Variants in STK3 observed in about 807,000 individuals in gnomAD.
STK3 encodes the protein serine/threonine kinase 3.
In STK3, 41 loss-of-function variants were observed where a neutral mutation model predicts 58.0. That is an observed-to-expected ratio of 0.71 (90% CI 0.55 to 0.92). The LOEUF is 0.92. Among genes scored for constraint, STK3 ranks in the 40% least tolerant of loss-of-function variants. The probability of loss-of-function intolerance (pLI) is 0.00; values close to 1 mark genes in which losing one functional copy is unlikely to be tolerated. For synonymous variants in STK3, 170 were observed against 191.0 expected (o/e 0.89, Z 0.91); for missense variants, 479 against 602.7 (o/e 0.79, Z 2.15).
chr8:98,401,212 C>A (rs1817940977), downstream of STK3, among the ~76,000 whole-genome samples: 1 of 152,118 alleles, frequency 6.6e-6, no homozygotes, highest in Non-Finnish European at 1.5e-5. Flanking sequence ...CAAGAAGCCC[C>A]AGGTGCTCCA....
chr8:98,650,204 C>T (rs889650760), intron 6 of STK3, among the ~76,000 whole-genome samples: 1 of 152,184 alleles, frequency 6.6e-6, no homozygotes, highest in Non-Finnish European at 1.5e-5. Context: ...AATGTTCATA[C>T]AGATTATTTC....
intron 4 of STK3, 105 bp downstream of exon 4, chr8:98,749,171 C>T: frequency 1.2e-6 from 1 of 838,652 alleles, no homozygotes; most frequent in Non-Finnish European, 1.9e-6. Context: ...AAAACCTTTT[C>T]TTTTTTCATG....
At chr8:98,920,001 A>G (rs1214528305) in intron 1 of STK3, among the ~76,000 whole-genome samples, 1 of 152,146 alleles carries the variant, frequency 6.6e-6, no homozygotes, top group East Asian at 1.9e-4. Context: ...ATCTTTTTCC[A>G]TTTCATTTTC....
chr8:98,692,016 A>C (rs972404089), intron 6 of STK3, among the ~76,000 whole-genome samples: 1 of 152,304 alleles, frequency 6.6e-6, no homozygotes, highest in East Asian at 1.9e-4. Context: ...TAAGCATATG[A>C]AAAGATGTTC....
At chr8:98,684,914 A>G (rs1365553758) in intron 6 of STK3, among the ~76,000 whole-genome samples, 1 of 152,206 alleles carries the variant, frequency 6.6e-6, no homozygotes, top group Non-Finnish European at 1.5e-5. Context: ...AGTCAGAGTG[A>G]ATCACAAATA....
chr8:98,541,543 T>C (rs112235509), intron 9 of STK3, among the ~76,000 whole-genome samples: 1 of 152,156 alleles, frequency 6.6e-6, no homozygotes, highest in Non-Finnish European at 1.5e-5. Flanking sequence ...TAGTTCTTTA[T>C]AGCAATATGA....
chr8:98,768,986 C>T (rs1032205611), intron 2 of STK3, among the ~76,000 whole-genome samples: 2 of 152,202 alleles, frequency 1.3e-5, no homozygotes, highest in African/African-American at 4.8e-5. Flanking sequence ...CACTTCAGTG[C>T]TTCAGGCTGA....
chr8:98,532,381 A>G (rs1826225647), intron 9 of STK3, among the ~76,000 whole-genome samples: 1 of 152,180 alleles, frequency 6.6e-6, no homozygotes, highest in Non-Finnish European at 1.5e-5. Flanking sequence ...ACATTTATCA[A>G]TTAAATTCGC....
At chr8:98,653,476 TA>T (rs1325656427) in intron 6 of STK3, among the ~76,000 whole-genome samples, 2 of 151,858 alleles carry the variant, frequency 1.3e-5, no homozygotes, top group Admixed American at 1.3e-4. Context: ...AAGAAATAAC[TA>T]AAATCAGAGC....
intron 10 of STK3, among the ~76,000 whole-genome samples, chr8:98,468,236 T>C (rs1334285277): frequency 6.6e-6 from 1 of 152,198 alleles, no homozygotes; most frequent in Non-Finnish European, 1.5e-5. Context: ...AATTCGATCA[T>C]AGTTCTGCAT....
At chr8:98,415,763 G>A (rs1015794440) in intron 3 of STK3, among the ~76,000 whole-genome samples, 2 of 152,148 alleles carry the variant, frequency 1.3e-5, no homozygotes, top group African/African-American at 4.8e-5. Flanking sequence ...CCTATTCCAG[G>A]CTAACTGAAC....
At chr8:98,363,923 A>T in the STK3 span, among the ~76,000 whole-genome samples, 1 of 152,228 alleles carries the variant, frequency 6.6e-6, no homozygotes, top group Non-Finnish European at 1.5e-5. Context: ...CAAGAGTGCC[A>T]GGCAGGATGG....
At chr8:98,597,435 A>C in intron 6 of STK3, 6 of 985,250 alleles carry the variant, frequency 6.1e-6, no homozygotes, top group Non-Finnish European at 7.2e-6. Flanking sequence ...TACATCTATG[A>C]TAGTCTTTCA....
At chr8:98,699,588 C>A (rs959133050) in intron 6 of STK3, among the ~76,000 whole-genome samples, 2 of 152,208 alleles carry the variant, frequency 1.3e-5, no homozygotes, top group Non-Finnish European at 2.9e-5. Flanking sequence ...ACAGACAGGA[C>A]CCTCAGCTGC....
At chr8:98,540,480 T>TA (rs977047668) in intron 9 of STK3, among the ~76,000 whole-genome samples, 1 of 152,190 alleles carries the variant, frequency 6.6e-6, no homozygotes, top group African/African-American at 2.4e-5. Context: ...CGTTCTATCC[T>TA]ATAACATATT....
intron 2 of STK3, among the ~76,000 whole-genome samples, chr8:98,770,770 A>T (rs1024889314): frequency 6.6e-6 from 1 of 152,360 alleles, no homozygotes; most frequent in Non-Finnish European, 1.5e-5. Flanking sequence ...TGGCTCCTTG[A>T]GTTTAATAGA....
intron 3 of STK3, chr8:98,413,532 T>C (rs1391558282): frequency 4.6e-6 from 3 of 647,872 alleles, no homozygotes; most frequent in Non-Finnish European, 6.0e-6. Flanking sequence ...AGGAGATACT[T>C]CAACTGTGAC....
intron 3 of STK3, among the ~76,000 whole-genome samples, chr8:98,854,792 A>G (rs1158895497): frequency 1.3e-5 from 2 of 152,212 alleles, no homozygotes; most frequent in Non-Finnish European, 2.9e-5. Flanking sequence ...ACGGTGGCTC[A>G]CACCTGTAAT....
intron 3 of STK3, chr8:98,434,001 C>T (rs1375617191): frequency 6.6e-6 from 1 of 152,216 alleles, no homozygotes; most frequent in Admixed American, 6.5e-5. Context: ...ACTCTTTGCT[C>T]ATTTTGGTTT....
Sources: allele counts gnomAD v4.1 joint callset (sites outside exome capture counted in the v4.1 genomes callset), GRCh38; gene constraint gnomAD v4.1.1; transcripts MANE v1.5; gene names NCBI Gene and HGNC (gene_info 2026-07-23, HGNC 2026-07-21).